The following THAP2 variants were observed in gnomAD, a reference collection of about 807,000 sequenced individuals.
The protein encoded by THAP2 is THAP domain-containing protein 2.
In THAP2, 16 loss-of-function variants were observed where a neutral mutation model predicts 18.8. The ratio of observed to expected loss-of-function variants is 0.85; its 90% CI spans 0.58 to 1.29. The LOEUF (loss-of-function observed/expected upper bound fraction) is 1.29, where lower values mean the gene tolerates loss of function less well. Ranked by LOEUF, THAP2 falls within the 50% of genes most tolerant of loss-of-function variation. The pLI, the probability that THAP2 is intolerant of heterozygous loss-of-function variation, is 0.00. For synonymous variants in THAP2, 80 were observed against 89.2 expected (o/e 0.90, Z 0.58); for missense variants, 251 against 265.3 (o/e 0.95, Z 0.38).
intron 2 of THAP2, among the ~76,000 whole-genome samples, chr12:71,676,285 A>C (rs1881518598): frequency 6.6e-6 from 1 of 152,106 alleles, no homozygotes; most frequent in African/African-American, 2.4e-5. Context: ...TATTTATCAA[A>C]TTGAGAAAAG....
chr12:71,674,124 T>C, intron 1 of THAP2, 79 bp from the exon 2 acceptor site: 6 of 1,385,924 alleles, frequency 4.3e-6, no homozygotes, highest in Non-Finnish European at 5.7e-6. Context: ...TTTAATCATC[T>C]TCGAAATTTC....
At chr12:71,676,435 C>T (rs1282104008) in intron 2 of THAP2, among the ~76,000 whole-genome samples, 1 of 151,988 alleles carries the variant, frequency 6.6e-6, no homozygotes, top group African/African-American at 2.4e-5. Flanking sequence ...CTTGGACGTC[C>T]ATTGTCTATT....
At chr12:71,667,968 AATTT>A (rs1206574345) in intron 1 of THAP2, 17 of 152,196 alleles carry the variant, frequency 1.1e-4, no homozygotes, top group Non-Finnish European at 8.8e-5. Context: ...CTTTCATTTT[AATTT>A]ATTTAATTGC....
At chr12:71,674,691 C>T (rs968250809) in intron 2 of THAP2, among the ~76,000 whole-genome samples, 8 of 152,060 alleles carry the variant, frequency 5.3e-5, no homozygotes, top group Admixed American at 1.3e-4. Context: ...AAACCTCCAG[C>T]ATCACTGTGC....
chr12:71,669,962 A>ATGC, intron 1 of THAP2, among the ~76,000 whole-genome samples: 1 of 151,818 alleles, frequency 6.6e-6, no homozygotes, highest in African/African-American at 2.4e-5. Context: ...CGTCTCAAAA[A>ATGC]AAAAAAAAAA....
chr12:71,669,970 A>G (rs923568800), intron 1 of THAP2, among the ~76,000 whole-genome samples: 1 of 151,890 alleles, frequency 6.6e-6, no homozygotes, highest in Non-Finnish European at 1.5e-5. Flanking sequence ...AAAAAAAAAA[A>G]AAACTCTATT....
intron 1 of THAP2, among the ~76,000 whole-genome samples, chr12:71,670,629 A>G (rs2137578701): frequency 6.6e-6 from 1 of 152,268 alleles, no homozygotes; most frequent in East Asian, 1.9e-4. Context: ...AGTAAGCCAG[A>G]GAAAAGAAAA....
chr12:71,666,947 T>C lies in THAP2; in HGVS notation c.71+2367T>C, dbSNP rs374397237. On this transcript the variant is annotated intron_variant, in intron 1 of 2. Coordinates refer to ENST00000308086, the MANE Select transcript of THAP2 (RefSeq NM_031435.4). Reference sequence around the variant, plus strand: ...TGGGGTTTCACCATATTGGCCAGGCTGGTCTCGAACTCCTGACCTTGTGAT... The same window carrying C: ...TGGGGTTTCACCATATTGGCCAGGCCGGTCTCGAACTCCTGACCTTGTGAT... 3.9e-5 allele frequency among the ~76,000 whole-genome samples: 6 copies of C among 152,326 alleles called. No individual in the cohort carries two copies. The East Asian group carries it at 9.7e-4, about 25-fold the overall frequency.
chr12:71,679,679 A>G lies in THAP2; in HGVS notation c.*2571A>G, dbSNP rs1490631262. ...AAGAAACAAGTAATATTTATAATAC[A>G]ATATGATAAATGCTACAAAAGAAAT... On this transcript the variant is annotated 3_prime_UTR_variant, in exon 3 of 3. Transcript: ENST00000308086. 2 of 152,190 alleles carry G rather than the reference A, an allele frequency of 1.3e-5. No homozygotes were observed. The highest frequency in any genetic ancestry group is 2.4e-5 in the African/African-American group (1 of 41,450). 9.4% of individuals were successfully genotyped at this position (152,190 alleles called of 1,614,324 possible). A position where few individuals can be genotyped will look rare whatever the true frequency, so the allele number is the denominator to read the frequency against.
chr12:71,676,896 G>T lies in THAP2; in HGVS notation c.475G>T (p.Glu159Ter). Residue 159 changes from glutamate (E) to a stop codon, truncating the protein, a stop_gained, in exon 3 of 3, where the codon GAA becomes TAA. Coordinates refer to ENST00000308086, the MANE Select transcript of THAP2 (RefSeq NM_031435.4). LOFTEE classifies it high-confidence loss of function. ...RRKMKTCLQK[E>*]RRATRRWIKA... is the part of the protein sequence containing the mutation. ...AAAAATGAAAACTTGCCTACAAAAGGAACGCAGAGCAACTCGAAGATGGAT... is the reference window on the plus strand; with the variant it reads ...AAAAATGAAAACTTGCCTACAAAAGTAACGCAGAGCAACTCGAAGATGGAT... 6.2e-7 allele frequency: 1 copy of T among 1,613,658 alleles called. No homozygotes were observed. Among genetic ancestry groups the T allele is most frequent in the Non-Finnish European group, 8.5e-7 (1 of 1,179,692 alleles).
chr12:71,665,097 T>G (rs1407138890), intron 1 of THAP2: 1 of 641,130 alleles, frequency 1.6e-6, no homozygotes, highest in East Asian at 2.7e-5. Flanking sequence ...AAAGATAACC[T>G]TTCTGTTCTT....
At chr12:71,667,590 C>T (rs149433597) in intron 1 of THAP2, 13 of 152,366 alleles carry the variant, frequency 8.5e-5, no homozygotes, top group African/African-American at 3.1e-4. Flanking sequence ...AGTCTTCCTC[C>T]CTTGACTTCT....
At position 71,677,963 on chromosome 12, in the gene THAP2, C is replaced by T. The variant is rs2137583831; in HGVS notation, c.*855C>T. ...TTTTGTTTTCTTTTTAACTACTTTC[C>T]AAATGCATACTATACCTCAGAAATA... On this transcript the variant is annotated 3_prime_UTR_variant, in exon 3 of 3. Transcript: ENST00000308086. 6.6e-6 allele frequency: 1 copy of T among 152,208 alleles called. No homozygotes were observed. The highest frequency in any genetic ancestry group is 1.9e-4 in the East Asian group (1 of 5,192). The allele number at this position is 152,208 out of a possible 1,614,324, so 9.4% of individuals were successfully genotyped here.
chr12:71,670,115 C>T (rs1190690487), intron 1 of THAP2, among the ~76,000 whole-genome samples: 8 of 151,916 alleles, frequency 5.3e-5, no homozygotes, highest in Non-Finnish European at 5.9e-5. Flanking sequence ...TAAATCCAGA[C>T]ATTCACTTCT....
intron 1 of THAP2, among the ~76,000 whole-genome samples, chr12:71,669,726 C>A (rs1041097585): frequency 5.3e-5 from 8 of 151,974 alleles, no homozygotes; most frequent in Non-Finnish European, 1.2e-4. Flanking sequence ...GAGGCCGAGG[C>A]AGGTGGATCA....
intron 1 of THAP2, among the ~76,000 whole-genome samples, chr12:71,669,040 CAG>C (rs1013756082): frequency 1.3e-5 from 2 of 152,166 alleles, no homozygotes; most frequent in African/African-American, 4.8e-5. Flanking sequence ...TTGTTCAGCA[CAG>C]AAAATCTAAA....
At position 71,676,680 on chromosome 12, in the gene THAP2, T is replaced by C. The variant is rs966581218; in HGVS notation, c.268-9T>C. The C allele has an allele frequency of 1.9e-6, 3 of 1,564,876 alleles. No individual in the cohort carries two copies. The highest frequency in any genetic ancestry group is 2.6e-6 in the Non-Finnish European group (3 of 1,160,146). On this transcript the variant is annotated splice_polypyrimidine_tract_variant and intron_variant, in intron 2 of 2. Coordinates refer to ENST00000308086, the MANE Select transcript of THAP2 (RefSeq NM_031435.4). ...TTTATGTTCAACCCTCTAATTTTAT[T>C]CGGCTCAGAAACTCAAGTCAAGGAA...
At chr12:71,673,622 T>C (rs1358787811) in intron 1 of THAP2, among the ~76,000 whole-genome samples, 1 of 152,182 alleles carries the variant, frequency 6.6e-6, no homozygotes, top group Non-Finnish European at 1.5e-5. Flanking sequence ...TTGCAAAGCA[T>C]TGTGCTAAGT....
chr12:71,675,012 TA>T (rs955757170), intron 2 of THAP2, among the ~76,000 whole-genome samples: 17 of 150,854 alleles, frequency 1.1e-4, no homozygotes, highest in African/African-American at 2.2e-4. Flanking sequence ...AAAAGTAAAT[TA>T]AAAAAAACGA....
Sources: allele counts gnomAD v4.1 joint callset (sites outside exome capture counted in the v4.1 genomes callset), GRCh38; gene constraint gnomAD v4.1.1; transcripts MANE v1.5; gene names NCBI Gene and HGNC (gene_info 2026-07-23, HGNC 2026-07-21).